GRIN3A: variants seen among roughly 807,000 people sequenced by gnomAD.
GRIN3A encodes the protein glutamate ionotropic receptor NMDA type subunit 3A.
Under a neutral mutation model 92.4 loss-of-function variants are expected in GRIN3A, and 47 were observed. The observed-to-expected ratio is 0.51, with a 90% CI of 0.40 to 0.65. The LOEUF (loss-of-function observed/expected upper bound fraction) is 0.65, where lower values mean the gene tolerates loss of function less well. Among genes scored for constraint, GRIN3A ranks in the 30% least tolerant of loss-of-function variants. The pLI, the probability that GRIN3A is intolerant of heterozygous loss-of-function variation, is 0.00. For synonymous variants in GRIN3A, 527 were observed against 540.6 expected, an observed-to-expected ratio of 0.97 and a Z score of 0.35; for missense variants, 1,324 against 1,393.1, an observed-to-expected ratio of 0.95 and a Z score of 0.79.
rs1349243484 is a variant in GRIN3A at position 101,617,213 on chromosome 9, A to C, written c.2615-3686T>G. Reference sequence around the variant, plus strand: ...CAGAGCGAGACTCCGTCTAAAAAAAAAAAAAAAAAAAAAGAAAATTCAAAG... The same window carrying C: ...CAGAGCGAGACTCCGTCTAAAAAAACAAAAAAAAAAAAAGAAAATTCAAAG... On this transcript the variant is annotated intron_variant, in intron 5 of 8. Transcript: ENST00000361820. 7.3e-5 allele frequency among the ~76,000 whole-genome samples: 11 copies of C among 150,696 alleles called. No homozygotes were observed. The South Asian group carries it at 1.0e-3, about 14-fold the overall frequency.
chr9:101,577,700 A>G (rs1827842714), intron 8 of GRIN3A, 68 bp downstream of exon 8: 3 of 1,134,588 alleles, frequency 2.6e-6, no homozygotes, highest in Admixed American at 1.7e-5. Context: ...GATCTGAATA[A>G]TTATACAGTT....
At position 101,569,682 on chromosome 9, in the gene GRIN3A, A is replaced by G. The variant is rs944423035; in HGVS notation, c.*3492T>C. Reference sequence around the variant, plus strand: ...AGTTTAGGTGGGTAAAGAAAGGAATAACTAAACAGTATAGATAGTAAAGTA... The same window carrying G: ...AGTTTAGGTGGGTAAAGAAAGGAATGACTAAACAGTATAGATAGTAAAGTA... On this transcript the variant is annotated 3_prime_UTR_variant, in exon 9 of 9. Coordinates refer to ENST00000361820, the MANE Select transcript of GRIN3A (RefSeq NM_133445.3). The G allele has an allele frequency of 2.0e-5, 3 of 152,242 alleles. No individual in the cohort carries two copies. Among genetic ancestry groups the G allele is most frequent in the African/African-American group, 7.2e-5 (3 of 41,470 alleles). 9.4% of individuals were successfully genotyped at this position (152,242 alleles called of 1,614,324 possible). A position where few individuals can be genotyped will look rare whatever the true frequency, so the allele number is the denominator to read the frequency against.
At chr9:101,690,434 A>G (rs1053678044) in intron 1 of GRIN3A, among the ~76,000 whole-genome samples, 8 of 152,252 alleles carry the variant, frequency 5.3e-5, no homozygotes, top group Admixed American at 4.6e-4. Flanking sequence ...TGAAATTTCC[A>G]AAAGAATAGG....
intron 5 of GRIN3A, among the ~76,000 whole-genome samples, chr9:101,613,934 C>G (rs10119861): frequency 0.22 from 33,894 of 152,066 alleles, 4,206 homozygotes; most frequent in Non-Finnish European, 0.28. Flanking sequence ...ATGACATTCT[C>G]TTATCGGTGT....
intron 6 of GRIN3A, among the ~76,000 whole-genome samples, chr9:101,587,253 T>C (rs1450712177): frequency 6.7e-6 from 1 of 148,486 alleles, no homozygotes; most frequent in Non-Finnish European, 1.5e-5. Context: ...GAGGCTGCAG[T>C]GAGCTGAAAT....
chr9:101,677,643 A>ATT (rs1829415877), intron 2 of GRIN3A, among the ~76,000 whole-genome samples: 1 of 151,590 alleles, frequency 6.6e-6, no homozygotes, highest in Non-Finnish European at 1.5e-5. Flanking sequence ...CTTGATGGCG[A>ATT]GTTGTTACTA....
At chr9:101,580,234 T>C (rs1022955370) in intron 6 of GRIN3A, among the ~76,000 whole-genome samples, 3 of 152,206 alleles carry the variant, frequency 2.0e-5, no homozygotes, top group Admixed American at 1.3e-4. Context: ...GAGGCTATGC[T>C]TCCCATTCTG....
chr9:101,678,810 T>G (rs1829432836), intron 2 of GRIN3A, among the ~76,000 whole-genome samples: 1 of 152,218 alleles, frequency 6.6e-6, no homozygotes. Context: ...TTTTTCTTGC[T>G]TCCATGTGTT....
In GRIN3A at chr9:101,572,927, C is replaced by A. The variant is rs955256716; in HGVS notation, c.*247G>T. On this transcript the variant is annotated 3_prime_UTR_variant, in exon 9 of 9. Transcript: ENST00000361820. The stretch of plus-strand genomic sequence containing the variant: ...TGGGGTTATCTGGTTATTCACAGAT[C>A]TCTCGCACAGAGCTTACTCCTGACT... 5.8e-6 allele frequency: 3 copies of A among 519,912 alleles called. No individual in the cohort carries two copies. The highest frequency in any genetic ancestry group is 5.7e-5 in the African/African-American group (3 of 52,258). The allele number at this position is 519,912 out of a possible 1,614,324, so 32.2% of individuals were successfully genotyped here. A position where few individuals can be genotyped will look rare whatever the true frequency, so the allele number is the denominator to read the frequency against.
rs28430699 is a variant in GRIN3A, at chr9:101,618,927, T to C, written c.2614+4391A>G. Reference sequence around the variant, plus strand: ...AAAGACAGGGTTGACTATTTTGTGGTTGATGAATGAAGCAAAATGGAATCC... The same window carrying C: ...AAAGACAGGGTTGACTATTTTGTGGCTGATGAATGAAGCAAAATGGAATCC... On this transcript the variant is annotated intron_variant, in intron 5 of 8. Coordinates refer to ENST00000361820, the MANE Select transcript of GRIN3A (RefSeq NM_133445.3). Among the ~76,000 whole-genome samples, 1,351 of 152,258 alleles carry C rather than the reference T, an allele frequency of 8.9e-3. 24 individuals are homozygous for C. Among genetic ancestry groups the C allele is most frequent in the African/African-American group, 0.031 (1,297 of 41,542 alleles).
intron 5 of GRIN3A, among the ~76,000 whole-genome samples, chr9:101,617,642 T>TGA (rs1828481286): frequency 6.6e-6 from 1 of 151,990 alleles, no homozygotes; most frequent in African/African-American, 2.4e-5. Context: ...TGTGTGTGTG[T>TGA]GTGTGTTTTT....
At chr9:101,637,377 C>CT (rs552622154) in intron 3 of GRIN3A, among the ~76,000 whole-genome samples, 64 of 152,228 alleles carry the variant, frequency 4.2e-4, no homozygotes, top group Non-Finnish European at 5.6e-4. Flanking sequence ...TTTAACATTT[C>CT]TTTTTTCCAC....
At chr9:101,641,154 G>A (rs1828855857) in intron 3 of GRIN3A, among the ~76,000 whole-genome samples, 1 of 152,224 alleles carries the variant, frequency 6.6e-6, no homozygotes, top group Non-Finnish European at 1.5e-5. Context: ...TAGAGAGGAT[G>A]TGGAGAAATA....
chr9:101,638,326 C>T (rs1828810762), intron 3 of GRIN3A, among the ~76,000 whole-genome samples: 1 of 152,160 alleles, frequency 6.6e-6, no homozygotes, highest in Non-Finnish European at 1.5e-5. Flanking sequence ...CTCTTTGTTT[C>T]TTTTCTTTCC....
chr9:101,702,027 C>T (rs894513960), intron 1 of GRIN3A, among the ~76,000 whole-genome samples: 1 of 152,052 alleles, frequency 6.6e-6, no homozygotes, highest in Non-Finnish European at 1.5e-5. Context: ...CTTCGCTGGG[C>T]GTGGTGGCTA....
At chr9:101,573,632 GT>G in intron 8 of GRIN3A, 119 bp from the exon 9 acceptor site, 4 of 817,304 alleles carry the variant, frequency 4.9e-6, no homozygotes, top group Non-Finnish European at 8.2e-6. Context: ...TAGAGATGAA[GT>G]AACAAAGCCA....
intron 5 of GRIN3A, among the ~76,000 whole-genome samples, chr9:101,614,907 C>T (rs994580105): frequency 7.3e-5 from 11 of 151,708 alleles, no homozygotes; most frequent in Admixed American, 2.6e-4. Flanking sequence ...GTATGAGCCA[C>T]GTGCCCAGCC....
At chr9:101,698,496 T>C (rs1829711095) in intron 1 of GRIN3A, among the ~76,000 whole-genome samples, 1 of 152,044 alleles carries the variant, frequency 6.6e-6, no homozygotes, top group Admixed American at 6.6e-5. Context: ...AGCGTGCACT[T>C]ACACAAGCCT....
intron 6 of GRIN3A, among the ~76,000 whole-genome samples, chr9:101,601,590 A>G (rs1479786659): frequency 1.3e-5 from 2 of 152,188 alleles, no homozygotes; most frequent in African/African-American, 4.8e-5. Flanking sequence ...TCGGGAGGCT[A>G]GAAGTCTGAA....
Sources: allele counts gnomAD v4.1 joint callset (sites outside exome capture counted in the v4.1 genomes callset), GRCh38; gene constraint gnomAD v4.1.1; transcripts MANE v1.5; gene names NCBI Gene and HGNC (gene_info 2026-07-23, HGNC 2026-07-21).